CADM2: variants seen among roughly 807,000 people sequenced by gnomAD.
CADM2 encodes cell adhesion molecule 2.
CADM2 carries 12 observed loss-of-function variants against 49.8 expected under a neutral mutation model. The observed-to-expected ratio is 0.24, with a 90% CI of 0.15 to 0.39. The LOEUF is 0.39. CADM2 is among the 10% of genes least tolerant of loss of function. CADM2 has a pLI of 1.00. For missense variants in CADM2, 378 were observed against 492.3 expected, an observed-to-expected ratio of 0.77 and a Z score of 2.20; for synonymous variants, 214 against 175.4, an observed-to-expected ratio of 1.22 and a Z score of -1.74.
chr3:85,650,623 A>G (rs986792999), intron 1 of CADM2, among the ~76,000 whole-genome samples: 4 of 151,970 alleles, frequency 2.6e-5, no homozygotes, highest in Non-Finnish European at 5.9e-5. Context: ...CTTGTTAGAA[A>G]AACAAATTAT....
At chr3:85,640,554 G>A (rs2064678905) in intron 1 of CADM2, among the ~76,000 whole-genome samples, 2 of 152,192 alleles carry the variant, frequency 1.3e-5, no homozygotes, top group African/African-American at 4.8e-5. Context: ...GTATGAGAGA[G>A]ATTGACATTT....
At chr3:85,068,547 C>CAGT (rs2036604099) in intron 1 of CADM2, among the ~76,000 whole-genome samples, 1 of 152,070 alleles carries the variant, frequency 6.6e-6, no homozygotes, top group South Asian at 2.1e-4. Context: ...TTTAGTCAGA[C>CAGT]AGTACATTGA....
intron 8 of CADM2, among the ~76,000 whole-genome samples, chr3:85,971,797 CA>C (rs995758195): frequency 6.6e-6 from 1 of 151,634 alleles, no homozygotes; most frequent in African/African-American, 2.4e-5. Flanking sequence ...AAAATGCATA[CA>C]TTTTTTCAAA....
intron 1 of CADM2, among the ~76,000 whole-genome samples, chr3:85,633,366 G>C (rs2064368031): frequency 6.6e-6 from 1 of 151,996 alleles, no homozygotes; most frequent in Non-Finnish European, 1.5e-5. Flanking sequence ...AGATGATAAT[G>C]CTTATATTGG....
At chr3:85,720,177 C>T (rs1324982221) in intron 1 of CADM2, among the ~76,000 whole-genome samples, 1 of 152,086 alleles carries the variant, frequency 6.6e-6, no homozygotes, top group African/African-American at 2.4e-5. Context: ...TTCTCACATT[C>T]ATTATTTTAC....
intron 1 of CADM2, among the ~76,000 whole-genome samples, chr3:85,495,752 A>T (rs1172321930): frequency 1.3e-5 from 2 of 151,968 alleles, no homozygotes; most frequent in African/African-American, 4.8e-5. Context: ...TGGCAAGAGT[A>T]AGAGAGAGAT....
At chr3:85,955,615 A>G (rs1189365473) in intron 7 of CADM2, among the ~76,000 whole-genome samples, 1 of 151,536 alleles carries the variant, frequency 6.6e-6, no homozygotes. Context: ...TGCACAGAAT[A>G]AATGCCCCAA....
intron 1 of CADM2, among the ~76,000 whole-genome samples, chr3:85,143,399 C>T (rs1268125509): frequency 6.6e-6 from 1 of 152,124 alleles, no homozygotes; most frequent in African/African-American, 2.4e-5. Flanking sequence ...GAGGTGGGAA[C>T]ATCACTTGAG....
chr3:85,869,177 C>G (rs1438582181), intron 3 of CADM2, among the ~76,000 whole-genome samples: 6 of 152,098 alleles, frequency 3.9e-5, no homozygotes, highest in Non-Finnish European at 8.8e-5. Context: ...GTTCAGCTAA[C>G]TCGACAGAAG....
chr3:85,784,870 T>G (rs996155800), intron 2 of CADM2, among the ~76,000 whole-genome samples: 3 of 152,156 alleles, frequency 2.0e-5, no homozygotes, highest in Non-Finnish European at 4.4e-5. Context: ...TGGCATTAGT[T>G]CTTTAAATAT....
At chr3:85,311,364 T>TTTA (rs199621915) in intron 1 of CADM2, among the ~76,000 whole-genome samples, 1,794 of 148,170 alleles carry the variant, frequency 0.012, 34 homozygotes, top group African/African-American at 0.042. Flanking sequence ...TTTATTTATA[T>TTTA]TTATTATTAT....
intron 1 of CADM2, among the ~76,000 whole-genome samples, chr3:85,284,945 G>A (rs1034967607): frequency 1.3e-5 from 2 of 152,048 alleles, no homozygotes; most frequent in Admixed American, 1.3e-4. Context: ...CAAGCAGATC[G>A]ATTGGTAGCC....
intron 2 of CADM2, among the ~76,000 whole-genome samples, chr3:85,769,454 A>G (rs1376888280): frequency 2.3e-5 from 2 of 86,842 alleles, no homozygotes; most frequent in African/African-American, 4.5e-5. Flanking sequence ...ACGTATATAC[A>G]TATATACATA....
At chr3:85,446,575 AGT>A (rs1026739132) in intron 1 of CADM2, among the ~76,000 whole-genome samples, 8 of 150,524 alleles carry the variant, frequency 5.3e-5, no homozygotes, top group African/African-American at 1.7e-4. Context: ...ATTTTATAAA[AGT>A]GTGTGTGTGA....
chr3:85,514,436 C>G (rs1371076627), intron 1 of CADM2, among the ~76,000 whole-genome samples: 2 of 151,958 alleles, frequency 1.3e-5, no homozygotes, highest in Non-Finnish European at 2.9e-5. Flanking sequence ...GAATTCTGAT[C>G]AAGGTTTTAC....
intron 8 of CADM2, chr3:85,979,124 C>T: frequency 1.3e-6 from 2 of 1,593,080 alleles, no homozygotes; most frequent in Non-Finnish European, 8.6e-7. Flanking sequence ...CTTTTGTTTG[C>T]ATGATATGAT....
intron 1 of CADM2, among the ~76,000 whole-genome samples, chr3:85,415,124 T>G (rs2035855343): frequency 6.6e-6 from 1 of 152,138 alleles, no homozygotes; most frequent in Non-Finnish European, 1.5e-5. Flanking sequence ...CTATAATGCT[T>G]GTATTTAACT....
chr3:85,292,664 C>T (rs2043834551), intron 1 of CADM2, among the ~76,000 whole-genome samples: 2 of 151,280 alleles, frequency 1.3e-5, no homozygotes, highest in Admixed American at 6.6e-5. Context: ...TACATGGAAA[C>T]TGAACAACCT....
chr3:85,379,408 C>T (rs777758913), intron 1 of CADM2, among the ~76,000 whole-genome samples: 2 of 151,786 alleles, frequency 1.3e-5, no homozygotes, highest in Non-Finnish European at 2.9e-5. Context: ...AGAAAAAGAA[C>T]TTTGAAAGTA....
Sources: allele counts gnomAD v4.1 joint callset (sites outside exome capture counted in the v4.1 genomes callset), GRCh38; gene constraint gnomAD v4.1.1; transcripts MANE v1.5; gene names NCBI Gene and HGNC (gene_info 2026-07-23, HGNC 2026-07-21).